SH3GL2: variants seen among roughly 807,000 people sequenced by gnomAD.
The protein encoded by SH3GL2 is endophilin-A1.
Under a neutral mutation model 46.0 loss-of-function variants are expected in SH3GL2, and 24 were observed. The ratio of observed to expected loss-of-function variants is 0.52; its 90% CI spans 0.38 to 0.73. SH3GL2 has a LOEUF of 0.73. SH3GL2 is among the 30% of genes least tolerant of loss of function. The probability of loss-of-function intolerance (pLI) is 0.00; values close to 1 mark genes in which losing one functional copy is unlikely to be tolerated. For synonymous variants in SH3GL2, 196 were observed against 147.1 expected (o/e 1.33, Z -2.40); for missense variants, 413 against 424.2 (o/e 0.97, Z 0.23).
At chr9:17,590,751 T>C (rs1818467022) in intron 1 of SH3GL2, 1 of 152,214 alleles carries the variant, frequency 6.6e-6, no homozygotes, top group East Asian at 1.9e-4. Flanking sequence ...ATTTTTGTGA[T>C]CACAAAGGTG....
chr9:17,605,140 CT>C (rs1301029478), intron 1 of SH3GL2, among the ~76,000 whole-genome samples: 1 of 151,862 alleles, frequency 6.6e-6, no homozygotes, highest in Non-Finnish European at 1.5e-5. Context: ...GCCCAGCTAA[CT>C]TTTTTAGAAA....
chr9:17,592,818 C>T (rs190202428), intron 1 of SH3GL2, among the ~76,000 whole-genome samples: 2 of 152,138 alleles, frequency 1.3e-5, no homozygotes, highest in Admixed American at 1.3e-4. Flanking sequence ...GCTGGGGACT[C>T]CTATAGCTTC....
intron 1 of SH3GL2, among the ~76,000 whole-genome samples, chr9:17,591,646 G>A (rs1818483358): frequency 6.6e-6 from 1 of 152,132 alleles, no homozygotes; most frequent in Non-Finnish European, 1.5e-5. Context: ...CTGAGAGCAC[G>A]GTTGTTTGTG....
At chr9:17,785,419 A>G (rs566421770) in intron 3 of SH3GL2, among the ~76,000 whole-genome samples, 92 of 152,282 alleles carry the variant, frequency 6.0e-4, no homozygotes, top group African/African-American at 2.0e-3. Context: ...TCTCTATTCA[A>G]TGCCTCTAAG....
At position 17,596,667 on chromosome 9, in the gene SH3GL2, T is replaced by C. The variant is rs534159726; in HGVS notation, c.45+17380T>C. Among the ~76,000 whole-genome samples the C allele has an allele frequency of 5.9e-5, 9 of 152,354 alleles. No homozygotes were observed. The East Asian group carries it at 9.6e-4, about 16-fold the overall frequency. ...CCCTGTTGAACTTGAATGCGGAACA[T>C]TGTTAATAGTCTCTGGCAGGCTTCT... On this transcript the variant is annotated intron_variant, in intron 1 of 8. Transcript: ENST00000380607.
At chr9:17,599,671 C>T (rs1241611017) in intron 1 of SH3GL2, among the ~76,000 whole-genome samples, 2 of 152,092 alleles carry the variant, frequency 1.3e-5, no homozygotes, top group African/African-American at 4.8e-5. Flanking sequence ...CTTTGACGTG[C>T]TTACGGTTGG....
At chr9:17,734,592 A>T (rs1822272836) in intron 1 of SH3GL2, among the ~76,000 whole-genome samples, 1 of 152,216 alleles carries the variant, frequency 6.6e-6, no homozygotes, top group South Asian at 2.1e-4. Flanking sequence ...AATATGGATT[A>T]TCCATACAAT....
intron 5 of SH3GL2, among the ~76,000 whole-genome samples, chr9:17,787,735 T>C (rs535508249): frequency 1.1e-4 from 17 of 152,294 alleles, no homozygotes; most frequent in African/African-American, 4.1e-4. Context: ...CTGGCTTCTC[T>C]ATGTTTGATT....
intron 1 of SH3GL2, among the ~76,000 whole-genome samples, chr9:17,683,965 T>C (rs184628456): frequency 6.6e-6 from 1 of 152,222 alleles, no homozygotes; most frequent in Admixed American, 6.6e-5. Flanking sequence ...ATGCGAGACA[T>C]GTTCATTTCC....
chr9:17,747,976 GC>G (rs1208292386), intron 2 of SH3GL2, among the ~76,000 whole-genome samples: 1 of 152,114 alleles, frequency 6.6e-6, no homozygotes, highest in East Asian at 1.9e-4. Flanking sequence ...ACCCAGCAGA[GC>G]CCCTTTTTAA....
chr9:17,719,443 A>G (rs1821838986), intron 1 of SH3GL2, among the ~76,000 whole-genome samples: 1 of 152,142 alleles, frequency 6.6e-6, no homozygotes, highest in African/African-American at 2.4e-5. Context: ...TGTCTAGAGT[A>G]TAAAGTTAAG....
chr9:17,683,009 T>C (rs1820813012), intron 1 of SH3GL2, among the ~76,000 whole-genome samples: 1 of 152,128 alleles, frequency 6.6e-6, no homozygotes, highest in African/African-American at 2.4e-5. Context: ...ATGACTTTTC[T>C]TGGTCTCATC....
intron 1 of SH3GL2, among the ~76,000 whole-genome samples, chr9:17,650,231 A>G (rs1226331163): frequency 6.6e-6 from 1 of 152,228 alleles, no homozygotes; most frequent in Non-Finnish European, 1.5e-5. Flanking sequence ...TCAGGATTTT[A>G]CTTAAACTAG....
rs1163781542 is a variant in SH3GL2 at position 17,638,679 on chromosome 9, C to T, written c.45+59392C>T. Among the ~76,000 whole-genome samples, 13 of 152,192 alleles carry T rather than the reference C, an allele frequency of 8.5e-5. No homozygotes were observed. In the East Asian group the frequency reaches 2.3e-3, roughly 27 times the overall value. The stretch of plus-strand genomic sequence containing the variant: ...GGACTTCTTGCCTTGTGGGCTAAGG[C>T]CATACCACCAGCCTCTACTGTGGTT... On this transcript the variant is annotated intron_variant, in intron 1 of 8. Coordinates refer to ENST00000380607, the MANE Select transcript of SH3GL2 (RefSeq NM_003026.5).
chr9:17,611,023 A>G (rs937261431), intron 1 of SH3GL2, among the ~76,000 whole-genome samples: 4 of 152,226 alleles, frequency 2.6e-5, no homozygotes, highest in Non-Finnish European at 5.9e-5. Context: ...TCAATTGACA[A>G]TTAACTGGAT....
chr9:17,756,704 G>A (rs905307814), intron 2 of SH3GL2, among the ~76,000 whole-genome samples: 4 of 151,992 alleles, frequency 2.6e-5, no homozygotes, highest in Admixed American at 1.3e-4. Flanking sequence ...ATGTGCCACA[G>A]TTTCTTAATC....
At chr9:17,672,989 C>G (rs1028011075) in intron 1 of SH3GL2, among the ~76,000 whole-genome samples, 8 of 152,114 alleles carry the variant, frequency 5.3e-5, no homozygotes, top group African/African-American at 1.9e-4. Context: ...TCTGTCATGT[C>G]TTGGGTAGTA....
At chr9:17,607,063 A>AG (rs1818773158) in intron 1 of SH3GL2, among the ~76,000 whole-genome samples, 2 of 152,298 alleles carry the variant, frequency 1.3e-5, no homozygotes, top group African/African-American at 4.8e-5. Flanking sequence ...GTCTGGGGAA[A>AG]GGACTACTTT....
intron 3 of SH3GL2, among the ~76,000 whole-genome samples, chr9:17,786,080 C>G (rs1365618962): frequency 6.6e-6 from 1 of 152,106 alleles, no homozygotes; most frequent in Non-Finnish European, 1.5e-5. Context: ...CAGGGGCCAC[C>G]ACAGTGAAGG....
Sources: gnomAD v4.1 joint callset for allele counts (sites outside exome capture counted in the v4.1 genomes callset) on GRCh38, gnomAD v4.1.1 for gene constraint, MANE v1.5 for transcripts, NCBI Gene and HGNC (gene_info 2026-07-23, HGNC 2026-07-21) for gene names.